The following CAP2 variants were observed in gnomAD, a reference collection of about 807,000 sequenced individuals.
CAP2 encodes adenylyl cyclase-associated protein 2.
In CAP2, 24 loss-of-function variants were observed where a neutral mutation model predicts 57.7. The ratio of observed to expected loss-of-function variants is 0.42; its 90% CI spans 0.30 to 0.58. CAP2 has a LOEUF of 0.58. Ranked by LOEUF, CAP2 falls within the 20% of genes least tolerant of loss-of-function variation. CAP2 has a pLI of 0.22. For missense variants in CAP2, 501 were observed against 590.3 expected, an observed-to-expected ratio of 0.85 and a Z score of 1.57; for synonymous variants, 194 against 207.2, an observed-to-expected ratio of 0.94 and a Z score of 0.55.
At chr6:17,457,289 G>A (rs895365214) in intron 3 of CAP2, among the ~76,000 whole-genome samples, 14 of 152,168 alleles carry the variant, frequency 9.2e-5, no homozygotes, top group African/African-American at 2.9e-4. Context: ...AAAACCCCTC[G>A]ATTATTTGTC....
chr6:17,429,590 C>T (rs1759676991), intron 3 of CAP2, among the ~76,000 whole-genome samples: 1 of 152,124 alleles, frequency 6.6e-6, no homozygotes, highest in Non-Finnish European at 1.5e-5. Flanking sequence ...CTTCATTCAT[C>T]AGGCTGTAAA....
chr6:17,464,044 C>T (rs1029770142), intron 4 of CAP2, among the ~76,000 whole-genome samples: 3 of 152,210 alleles, frequency 2.0e-5, no homozygotes, highest in South Asian at 2.1e-4. Context: ...TGAAAATTTT[C>T]GATTCTCTAA....
chr6:17,535,577 A>T (rs1283406680), intron 7 of CAP2, among the ~76,000 whole-genome samples: 1 of 146,978 alleles, frequency 6.8e-6, no homozygotes, highest in Non-Finnish European at 1.5e-5. Flanking sequence ...ACTGGCCATG[A>T]CTTTTTTTTT....
At chr6:17,479,245 C>A (rs984199021) in intron 4 of CAP2, among the ~76,000 whole-genome samples, 1 of 152,158 alleles carries the variant, frequency 6.6e-6, no homozygotes, top group Non-Finnish European at 1.5e-5. Context: ...ACCACACACA[C>A]CTCCTCCAAA....
intron 7 of CAP2, among the ~76,000 whole-genome samples, chr6:17,526,993 G>A (rs1357902067): frequency 3.4e-5 from 5 of 146,752 alleles, no homozygotes; most frequent in Non-Finnish European, 7.5e-5. Context: ...ACATAGGCAA[G>A]CCCTGGCCAC....
At chr6:17,547,291 TG>T (rs369706634) in intron 11 of CAP2, among the ~76,000 whole-genome samples, 23 of 152,326 alleles carry the variant, frequency 1.5e-4, no homozygotes, top group Non-Finnish European at 3.1e-4. Context: ...CACATATATA[TG>T]CACACATAGA....
chr6:17,525,730 C>T (rs1486932551), intron 7 of CAP2, among the ~76,000 whole-genome samples: 1 of 152,148 alleles, frequency 6.6e-6, no homozygotes, highest in East Asian at 1.9e-4. Context: ...GTTCCAAAAA[C>T]CCTACGAAAG....
intron 2 of CAP2, among the ~76,000 whole-genome samples, chr6:17,422,311 G>T (rs547955717): frequency 2.0e-4 from 30 of 150,360 alleles, no homozygotes; most frequent in African/African-American, 7.1e-4. Flanking sequence ...ACTACGTCAC[G>T]GTGTTTTACC....
chr6:17,530,089 T>C (rs1346914285), intron 7 of CAP2, among the ~76,000 whole-genome samples: 1 of 152,202 alleles, frequency 6.6e-6, no homozygotes, highest in Non-Finnish European at 1.5e-5. Context: ...AAACTGCTTT[T>C]AGTTTTTGAG....
chr6:17,557,769 T>C lies in CAP2; in HGVS notation c.*1327T>C, dbSNP rs936956303. ...CTTATTCTGAAATAAAGTAAAATTCTAATTGTTTAAATACTGTGATGAATT... is the reference window on the plus strand; with the variant it reads ...CTTATTCTGAAATAAAGTAAAATTCCAATTGTTTAAATACTGTGATGAATT... On this transcript the variant is annotated 3_prime_UTR_variant, in exon 13 of 13. Coordinates refer to ENST00000229922, the MANE Select transcript of CAP2 (RefSeq NM_006366.3). 6.6e-6 allele frequency: 1 copy of C among 152,254 alleles called. No homozygotes were observed. The highest frequency in any genetic ancestry group is 2.4e-5 in the African/African-American group (1 of 41,464). The allele number at this position is 152,254 out of a possible 1,614,324, so 9.4% of individuals were successfully genotyped here.
chr6:17,504,255 T>C (rs1377703921), intron 4 of CAP2, among the ~76,000 whole-genome samples: 1 of 152,120 alleles, frequency 6.6e-6, no homozygotes, highest in Non-Finnish European at 1.5e-5. Flanking sequence ...GTTCTCTCAT[T>C]TACTCCTCCT....
At chr6:17,550,367 G>GTGTACC (rs1032549196) in intron 11 of CAP2, among the ~76,000 whole-genome samples, 2 of 139,082 alleles carry the variant, frequency 1.4e-5, no homozygotes, top group Non-Finnish European at 3.1e-5. Context: ...AGAGCCCTAT[G>GTGTACC]TGTACCTGAC....
At chr6:17,494,935 T>A (rs1761628687) in intron 4 of CAP2, among the ~76,000 whole-genome samples, 1 of 152,176 alleles carries the variant, frequency 6.6e-6, no homozygotes. Context: ...TTGGGTTTTT[T>A]GTTTTGTTTT....
At chr6:17,419,616 G>A (rs1335760494) in intron 1 of CAP2, among the ~76,000 whole-genome samples, 1 of 152,078 alleles carries the variant, frequency 6.6e-6, no homozygotes, top group East Asian at 1.9e-4. Context: ...ATTTTAGTCG[G>A]TACTTACCCT....
At chr6:17,547,981 A>C (rs1249679951) in intron 11 of CAP2, among the ~76,000 whole-genome samples, 1 of 152,148 alleles carries the variant, frequency 6.6e-6, no homozygotes, top group African/African-American at 2.4e-5. Flanking sequence ...TCAAGAAACT[A>C]TAAAACTAAA....
rs1245548017 is a variant in CAP2 at position 17,500,293 on chromosome 6, AT to A, written c.301-6874del. ...CTGCTGACTTTAAATGGTGAAAATA[AT>A]TGCTTCAATTATTAGAATGTGTCCA... On this transcript the variant is annotated intron_variant, in intron 4 of 12. Transcript: ENST00000229922. Among the ~76,000 whole-genome samples the A allele has an allele frequency of 1.7e-4, 23 of 137,746 alleles. 1 individual carries two copies. The South Asian group carries it at 1.9e-3, about 11-fold the overall frequency. The allele number at this position is 137,746 out of a possible 152,430, so 90.4% of individuals were successfully genotyped here.
intron 11 of CAP2, among the ~76,000 whole-genome samples, chr6:17,546,918 A>G (rs1485454561): frequency 2.0e-5 from 3 of 152,182 alleles, no homozygotes; most frequent in Non-Finnish European, 4.4e-5. Flanking sequence ...ACATGATTGT[A>G]TATCTAGGAA....
chr6:17,437,261 CTGGTCTAGTG>C lies in CAP2; in HGVS notation c.222+10572_222+10581del, dbSNP rs145271339. On this transcript the variant is annotated intron_variant, in intron 3 of 12. Transcript: ENST00000229922. ...TTGGTGCCAAAAAGGTTGGGGACCA[CTGGTCTAGTG>C]GTTGGCCTGGAGCACAGAGCAGGGT... Among the ~76,000 whole-genome samples, 1,219 of 152,168 alleles carry C rather than the reference CTGGTCTAGTG, an allele frequency of 8.0e-3. 12 individuals carry two copies. The highest frequency in any genetic ancestry group is 0.028 in the African/African-American group (1,170 of 41,512).
In CAP2 at chr6:17,554,507, A is replaced by G. The variant is rs557041863; in HGVS notation, c.1351-1852A>G. ...TTCTGGGCTCAGAGGATCTGCTGGC[A>G]TCAGCCTCACAAAGTGCTGGGATTA... On this transcript the variant is annotated intron_variant, in intron 12 of 12. Coordinates refer to ENST00000229922, the MANE Select transcript of CAP2 (RefSeq NM_006366.3). Among the ~76,000 whole-genome samples, 9 of 152,352 alleles carry G rather than the reference A, an allele frequency of 5.9e-5. No homozygotes were observed. In the South Asian group the frequency reaches 1.4e-3, roughly 25 times the overall value.
Sources: allele counts gnomAD v4.1 joint callset (sites outside exome capture counted in the v4.1 genomes callset), GRCh38; gene constraint gnomAD v4.1.1; transcripts MANE v1.5; gene names NCBI Gene and HGNC (gene_info 2026-07-23, HGNC 2026-07-21).